The following MIIP variants were observed in gnomAD, a reference collection of about 807,000 sequenced individuals.
MIIP encodes migration and invasion inhibitory protein.
In MIIP, 44 loss-of-function variants were observed where a neutral mutation model predicts 44.8. The ratio of observed to expected loss-of-function variants is 0.98; its 90% CI spans 0.77 to 1.26. The LOEUF (loss-of-function observed/expected upper bound fraction) is 1.26. Ranked by LOEUF, MIIP falls within the 50% of genes most tolerant of loss-of-function variation. The pLI, the probability that MIIP is intolerant of heterozygous loss-of-function variation, is 0.00. For missense variants in MIIP, 496 were observed against 511.7 expected (o/e 0.97, Z 0.30); for synonymous variants, 225 against 218.3 (o/e 1.03, Z -0.27).
intron 6 of MIIP, 29 bp downstream of exon 6, chr1:12,029,310 G>T (rs1291654085): frequency 1.9e-6 from 3 of 1,606,008 alleles, no homozygotes. Context: ...CTAGGCCGCT[G>T]AGTAGTCCAG....
chr1:12,023,999 A>T (rs1393266143), intron 4 of MIIP: 1 of 152,280 alleles, frequency 6.6e-6, no homozygotes, highest in Non-Finnish European at 1.5e-5. Flanking sequence ...GTCTCCAAAA[A>T]ATAAGCAAGC....
chr1:12,027,667 A>G (rs965721648), intron 4 of MIIP, among the ~76,000 whole-genome samples: 2 of 151,758 alleles, frequency 1.3e-5, no homozygotes, highest in African/African-American at 2.4e-5. Flanking sequence ...CACTTTCTCT[A>G]CTTCTCCATT....
chr1:12,028,878 C>G (rs926975346), intron 4 of MIIP, 155 bp from the exon 5 acceptor site: 3 of 621,806 alleles, frequency 4.8e-6, no homozygotes, highest in Non-Finnish European at 8.6e-6. Flanking sequence ...GTCCCAGTGA[C>G]TGGAGGGGCC....
chr1:12,029,174 G>A (rs770892886), intron 5 of MIIP, 33 bp downstream of exon 5: 28 of 1,613,342 alleles, frequency 1.7e-5, no homozygotes, highest in African/African-American at 2.7e-5. Flanking sequence ...GGGCGAGGGC[G>A]GCTGAGCGGC....
Position 12,023,014 on chromosome 1 carries a change from G to A in MIIP, c.547+97G>A, listed in dbSNP as rs544337173. On this transcript the variant is annotated intron_variant, in intron 4 of 9. Coordinates refer to ENST00000235332, the MANE Select transcript of MIIP (RefSeq NM_021933.4). Reference sequence around the variant, plus strand: ...CCTGTCTGAGCCTCCACCCGGTGCTGTTGCTTGTTTCTCTGACCGTGCCAT... The same window carrying A: ...CCTGTCTGAGCCTCCACCCGGTGCTATTGCTTGTTTCTCTGACCGTGCCAT... 279 of 882,212 alleles carry A rather than the reference G, an allele frequency of 3.2e-4. 3 individuals are homozygous for A. In the South Asian group the frequency reaches 4.2e-3, roughly 13 times the overall value. 54.6% of individuals were successfully genotyped at this position (882,212 alleles called of 1,614,324 possible).
chr1:12,026,559 C>G (rs965794483), intron 4 of MIIP, among the ~76,000 whole-genome samples: 21 of 152,220 alleles, frequency 1.4e-4, no homozygotes, highest in African/African-American at 5.1e-4. Flanking sequence ...CTTCTGGCTC[C>G]TCCAGGGTTT....
At chr1:12,027,939 C>T (rs1281102469) in intron 4 of MIIP, among the ~76,000 whole-genome samples, 6 of 152,120 alleles carry the variant, frequency 3.9e-5, no homozygotes, top group Non-Finnish European at 5.9e-5. Context: ...AGGCCGGGTG[C>T]GGTGGCTCAC....
intron 1 of MIIP, among the ~76,000 whole-genome samples, chr1:12,019,778 T>C (rs1038023610): frequency 6.6e-6 from 1 of 152,188 alleles, no homozygotes; most frequent in African/African-American, 2.4e-5. Context: ...CTTTTCCCTT[T>C]CCAAAGCGCG....
intron 9 of MIIP, 110 bp from the exon 10 acceptor site, chr1:12,031,612 A>G (rs1640244472): frequency 1.2e-6 from 2 of 1,611,904 alleles, no homozygotes; most frequent in African/African-American, 1.3e-5. Flanking sequence ...GCCCTGCTCC[A>G]CCCAGGAAGG....
chr1:12,028,795 G>T, intron 4 of MIIP: 1 of 546,974 alleles, frequency 1.8e-6, no homozygotes, highest in South Asian at 2.1e-5. Context: ...CCTGTCATAA[G>T]GGCTCTGTCG....
At chr1:12,023,115 G>A (rs1311447649) in intron 4 of MIIP, among the ~76,000 whole-genome samples, 198 bp downstream of exon 4, 1 of 147,840 alleles carries the variant, frequency 6.8e-6, no homozygotes, top group Non-Finnish European at 1.5e-5. Context: ...CCAGGCTGGA[G>A]TGCAGTAGTG....
At position 12,030,102 on chromosome 1, in the gene MIIP, C is replaced by T. The variant is rs774613478; in HGVS notation, c.920C>T (p.Ser307Phe). Residue 307 changes from serine to phenylalanine, a missense_variant, in exon 8 of 10, where the codon TCT (serine) becomes TTT (phenylalanine). Ser to Phe is a radical substitution (Grantham distance 155, BLOSUM62 -2). Transcript: ENST00000235332. ...HIHRRKSFDA[S>F]DTLALPRHCL... ...CACCGGCGAAAGAGCTTTGACGCCT[C>T]TGACACACTGGCCCTGCCCCGGGTG... 3.1e-6 allele frequency: 5 copies of T among 1,613,028 alleles called. No individual in the cohort carries two copies. The East Asian group carries it at 1.1e-4, about 36-fold the overall frequency.
At position 12,029,761 on chromosome 1, in the gene MIIP, G is replaced by A. The variant is rs922131860; in HGVS notation, c.716-4G>A. The stretch of plus-strand genomic sequence containing the variant: ...AGAGCTGTGGCTTCTCATGGGCCTC[G>A]CAGGCGTGTACTGTTACCGTGTCAA... On this transcript the variant is annotated splice_polypyrimidine_tract_variant and splice_region_variant and intron_variant, in intron 6 of 9. Coordinates refer to ENST00000235332, the MANE Select transcript of MIIP (RefSeq NM_021933.4). 15 of 1,607,656 alleles carry A rather than the reference G, an allele frequency of 9.3e-6. No homozygotes were observed. The highest frequency in any genetic ancestry group is 8.4e-5 in the Admixed American group (5 of 59,714).
At chr1:12,025,200 C>T (rs1640079764) in intron 4 of MIIP, among the ~76,000 whole-genome samples, 1 of 151,786 alleles carries the variant, frequency 6.6e-6, no homozygotes, top group African/African-American at 2.4e-5. Flanking sequence ...GCAGGTATTA[C>T]AGGTGTGCGC....
At chr1:12,023,312 C>T (rs908490535) in intron 4 of MIIP, among the ~76,000 whole-genome samples, 1 of 151,874 alleles carries the variant, frequency 6.6e-6, no homozygotes, top group African/African-American at 2.4e-5. Flanking sequence ...TATCCACCTA[C>T]CTTGGTCTCC....
chr1:12,031,401 C>G lies in MIIP; in HGVS notation c.1078C>G (p.Pro360Ala), dbSNP rs372310715. 22 of 1,613,084 alleles carry G rather than the reference C, an allele frequency of 1.4e-5. No individual in the cohort carries two copies. The highest frequency in any genetic ancestry group is 1.9e-5 in the Non-Finnish European group (22 of 1,179,630). ...KLSGTSSPFH[P>A]ASPMQMLPPT... ...GTCCGGCACCAGCAGCCCTTTTCAC[C>G]CGGTACGGTCCAGATCGCATCCTAG... The change falls in exon 9 of 10, where the codon CCG becomes GCG. Residue 360 changes from proline to alanine, a missense_variant and splice_region_variant. Pro to Ala is a conservative substitution (Grantham distance 27). Coordinates refer to ENST00000235332, the MANE Select transcript of MIIP (RefSeq NM_021933.4).
At chr1:12,027,898 A>G (rs534728748) in intron 4 of MIIP, among the ~76,000 whole-genome samples, 1 of 152,282 alleles carries the variant, frequency 6.6e-6, no homozygotes, top group Admixed American at 6.5e-5. Context: ...CTACATCCTG[A>G]TACACCCAAC....
chr1:12,028,726 C>T, intron 4 of MIIP: 2 of 368,296 alleles, frequency 5.4e-6, no homozygotes, highest in Non-Finnish European at 1.0e-5. Flanking sequence ...ACAGTGTAAG[C>T]CTCATTAAGG....
intron 2 of MIIP, 39 bp downstream of exon 2, chr1:12,021,879 C>T: frequency 1.3e-6 from 2 of 1,513,814 alleles, no homozygotes; most frequent in South Asian, 2.5e-5. Flanking sequence ...GAAGGGGCTA[C>T]CTGACCTTCA....
Sources: allele counts gnomAD v4.1 joint callset (sites outside exome capture counted in the v4.1 genomes callset), GRCh38; gene constraint gnomAD v4.1.1; transcripts MANE v1.5; gene names NCBI Gene and HGNC (gene_info 2026-07-23, HGNC 2026-07-21).